KREMEN1: variants seen among roughly 807,000 people sequenced by gnomAD.
KREMEN1 encodes the protein kringle containing transmembrane protein 1.
KREMEN1 carries 30 observed loss-of-function variants against 46.5 expected under a neutral mutation model. The observed-to-expected ratio is 0.65, with a 90% CI of 0.48 to 0.88. The LOEUF (loss-of-function observed/expected upper bound fraction) is 0.88. Ranked by LOEUF, KREMEN1 falls within the 40% of genes least tolerant of loss-of-function variation. The pLI, the probability that KREMEN1 is intolerant of heterozygous loss-of-function variation, is 0.00. For missense variants in KREMEN1, 533 were observed against 596.9 expected, an observed-to-expected ratio of 0.89 and a Z score of 1.11; for synonymous variants, 214 against 230.6, an observed-to-expected ratio of 0.93 and a Z score of 0.65.
At chr22:29,126,312 A>C (rs2038441775) in intron 5 of KREMEN1, among the ~76,000 whole-genome samples, 1 of 152,212 alleles carries the variant, frequency 6.6e-6, no homozygotes, top group South Asian at 2.1e-4. Flanking sequence ...TTAAAACAAC[A>C]AACATTCATT....
chr22:29,148,860 C>A (rs2038893839), downstream of KREMEN1, among the ~76,000 whole-genome samples: 1 of 151,990 alleles, frequency 6.6e-6, no homozygotes, highest in Admixed American at 6.6e-5. Flanking sequence ...CCTCATCCAG[C>A]CAGTTTTTGC....
At chr22:29,112,773 A>C (rs1244491603) in intron 3 of KREMEN1, among the ~76,000 whole-genome samples, 2 of 152,236 alleles carry the variant, frequency 1.3e-5, no homozygotes, top group Admixed American at 1.3e-4. Context: ...CTTGAAATGA[A>C]AAAGGAATTT....
At chr22:29,129,136 C>T (rs190240791) in intron 5 of KREMEN1, among the ~76,000 whole-genome samples, 3 of 152,292 alleles carry the variant, frequency 2.0e-5, no homozygotes. Flanking sequence ...GTAACTCACA[C>T]CCCATTGCTC....
intron 4 of KREMEN1, among the ~76,000 whole-genome samples, chr22:29,123,603 C>G (rs968322872): frequency 1.3e-5 from 2 of 152,084 alleles, no homozygotes; most frequent in Non-Finnish European, 2.9e-5. Flanking sequence ...ACCAGCCTGG[C>G]CAACATGGCA....
intron 2 of KREMEN1, among the ~76,000 whole-genome samples, chr22:29,097,535 A>G (rs963548713): frequency 2.6e-5 from 4 of 152,224 alleles, no homozygotes; most frequent in Non-Finnish European, 5.9e-5. Flanking sequence ...AAGGAATAGC[A>G]CCCATTTCTA....
At chr22:29,161,309 C>G (rs184947560) in intron 9 of KREMEN1, among the ~76,000 whole-genome samples, 9 of 151,794 alleles carry the variant, frequency 5.9e-5, no homozygotes, top group South Asian at 2.1e-4. Context: ...AGATCGAGAC[C>G]ATCCTGGCTA....
At chr22:29,074,851 T>A (rs1333535892) in intron 1 of KREMEN1, among the ~76,000 whole-genome samples, 1 of 152,230 alleles carries the variant, frequency 6.6e-6, no homozygotes, top group African/African-American at 2.4e-5. Flanking sequence ...ATAACTTCTT[T>A]GCAGAGTGTT....
Position 29,146,155 on chromosome 22 carries a change from T to A in KREMEN1, c.*4043T>A. 1.0e-6 allele frequency: 1 copy of A among 985,456 alleles called. No homozygotes were observed. The highest frequency in any genetic ancestry group is 1.8e-5 in the African/African-American group (1 of 57,020). 61.0% of individuals were successfully genotyped at this position (985,456 alleles called of 1,614,324 possible). A position where few individuals can be genotyped will look rare whatever the true frequency, so the allele number is the denominator to read the frequency against. On this transcript the variant is annotated 3_prime_UTR_variant, in exon 9 of 9. Coordinates refer to ENST00000400335, the MANE Select transcript of KREMEN1 (RefSeq NM_001039570.3). ...GTTAGGTTTCAGATCTCCCGTGTGG[T>A]GTTTGATGTCGGCTTTTGTTCCTAC...
At chr22:29,138,853 T>A (rs780814286) in intron 7 of KREMEN1, 71 bp downstream of exon 7, 21 of 1,610,108 alleles carry the variant, frequency 1.3e-5, no homozygotes, top group Non-Finnish European at 1.8e-5. Flanking sequence ...TTGACAGTTA[T>A]AAAGACAAAA....
At chr22:29,082,820 C>T (rs1019543241) in intron 1 of KREMEN1, among the ~76,000 whole-genome samples, 1 of 152,218 alleles carries the variant, frequency 6.6e-6, no homozygotes, top group Non-Finnish European at 1.5e-5. Context: ...CCTGAGCCTT[C>T]AAATAGTTCG....
rs1185563325 is a variant in KREMEN1 at position 29,131,760 on chromosome 22, A to ATATATG, written c.632-5577_632-5576insGTATAT. On this transcript the variant is annotated intron_variant, in intron 5 of 8. Coordinates refer to ENST00000400335, the MANE Select transcript of KREMEN1 (RefSeq NM_001039570.3). The stretch of plus-strand genomic sequence containing the variant: ...TGTGTATATATATGTATATATGTAT[A>ATATATG]TATATATGTATATATATATATAGTT... Among the ~76,000 whole-genome samples, 1,052 of 132,242 alleles carry ATATATG rather than the reference A, an allele frequency of 8.0e-3. 20 individuals are homozygous for ATATATG. The highest frequency in any genetic ancestry group is 0.035 in the African/African-American group (1,008 of 28,498). 86.8% of individuals were successfully genotyped at this position (132,242 alleles called of 152,430 possible). A position where few individuals can be genotyped will look rare whatever the true frequency, so the allele number is the denominator to read the frequency against.
intron 5 of KREMEN1, among the ~76,000 whole-genome samples, chr22:29,133,670 T>C (rs528520915): frequency 6.6e-6 from 1 of 152,282 alleles, no homozygotes; most frequent in African/African-American, 2.4e-5. Context: ...GTTTGTTTTT[T>C]TTGCTTTTGT....
chr22:29,156,869 A>T (rs76039824), intron 9 of KREMEN1, among the ~76,000 whole-genome samples: 9 of 152,302 alleles, frequency 5.9e-5, no homozygotes, highest in Admixed American at 1.3e-4. Flanking sequence ...CAGCAACCCC[A>T]TGAGGTAGGT....
intron 4 of KREMEN1, among the ~76,000 whole-genome samples, chr22:29,123,081 T>C (rs2038384576): frequency 6.7e-6 from 1 of 149,596 alleles, no homozygotes; most frequent in Non-Finnish European, 1.5e-5. Flanking sequence ...AACTGTAAAA[T>C]GTAAAATTAT....
chr22:29,093,427 C>A (rs745566439), intron 1 of KREMEN1, among the ~76,000 whole-genome samples: 2 of 152,172 alleles, frequency 1.3e-5, no homozygotes, highest in African/African-American at 2.4e-5. Flanking sequence ...GTCTCATGAA[C>A]CTCTTCGAGT....
intron 9 of KREMEN1, among the ~76,000 whole-genome samples, chr22:29,161,381 C>T (rs1461859655): frequency 6.6e-6 from 1 of 151,834 alleles, no homozygotes; most frequent in South Asian, 2.1e-4. Flanking sequence ...GTGGCAGGCG[C>T]CTGTAGTCCC....
rs2038844593 is a variant in KREMEN1, at chr22:29,145,562, C to T, written c.*3450C>T. ...TGACAGTGTCTTGGCCAGCTGTGGC[C>T]CCTAGTTTCTAGCAGCGTTTCTCAG... is the stretch of plus-strand genomic sequence containing the variant. On this transcript the variant is annotated 3_prime_UTR_variant, in exon 9 of 9. Coordinates refer to ENST00000400335, the MANE Select transcript of KREMEN1 (RefSeq NM_001039570.3). The T allele has an allele frequency of 3.0e-6, 3 of 985,394 alleles. No homozygotes were observed. The highest frequency in any genetic ancestry group is 3.6e-6 in the Non-Finnish European group (3 of 829,996). The allele number at this position is 985,394 out of a possible 1,614,324, so 61.0% of individuals were successfully genotyped here. A position where few individuals can be genotyped will look rare whatever the true frequency, so the allele number is the denominator to read the frequency against.
At chr22:29,103,830 G>T (rs4429563) in intron 3 of KREMEN1, among the ~76,000 whole-genome samples, 4,583 of 152,256 alleles carry the variant, frequency 0.03, 202 homozygotes, top group African/African-American at 0.094. Context: ...GCGTGGTGGT[G>T]AAGTCCTTTA....
chr22:29,110,344 CAGA>C (rs764659275), intron 3 of KREMEN1, among the ~76,000 whole-genome samples: 6 of 152,180 alleles, frequency 3.9e-5, no homozygotes, highest in Admixed American at 1.3e-4. Flanking sequence ...GGCATGAACT[CAGA>C]AGAAGTCCAC....
Sources: gnomAD v4.1 joint callset for allele counts (sites outside exome capture counted in the v4.1 genomes callset) on GRCh38, gnomAD v4.1.1 for gene constraint, MANE v1.5 for transcripts, NCBI Gene and HGNC (gene_info 2026-07-23, HGNC 2026-07-21) for gene names.